STAG1: variants seen among roughly 807,000 people sequenced by gnomAD.
STAG1 encodes the protein cohesin subunit SA-1.
In STAG1, 26 loss-of-function variants were observed where a neutral mutation model predicts 170.9. The observed-to-expected ratio is 0.15, with a 90% CI of 0.11 to 0.21. The LOEUF is 0.21. Ranked by LOEUF, STAG1 falls within the 10% of genes least tolerant of loss-of-function variation. STAG1 has a pLI of 1.00. For missense variants in STAG1, 964 were observed against 1,509.5 expected, an observed-to-expected ratio of 0.64 and a Z score of 5.99; for synonymous variants, 514 against 497.7, an observed-to-expected ratio of 1.03 and a Z score of -0.44.
chr3:136,706,948 G>A (rs927963003), intron 1 of STAG1, among the ~76,000 whole-genome samples: 14 of 152,206 alleles, frequency 9.2e-5, no homozygotes, highest in East Asian at 5.8e-4. Context: ...ACAATTCAAC[G>A]GGGAAGAAAT....
At chr3:136,750,877 T>G (rs765961286) in intron 1 of STAG1, among the ~76,000 whole-genome samples, 2 of 152,260 alleles carry the variant, frequency 1.3e-5, no homozygotes, top group African/African-American at 2.4e-5. Context: ...CAAGGTACGT[T>G]ACATTACCAT....
chr3:136,543,198 A>G (rs999882527), intron 5 of STAG1, among the ~76,000 whole-genome samples: 1 of 152,202 alleles, frequency 6.6e-6, no homozygotes, highest in Non-Finnish European at 1.5e-5. Context: ...GGCTATATTC[A>G]TACTTTTTGC....
rs1207694530 is a variant in STAG1 at position 136,422,834 on chromosome 3, T to C, written c.1767A>G (p.Val589=). ...ACTGTGGGATTTGTAGCAAGTTTGC[T>C]ACCTTCTCTGCATCTGCAGAATACT... is the stretch of plus-strand genomic sequence containing the variant. ...LSKYSADAEK[V]ANLLQIPQYF... Residue 589 remains valine (V), a synonymous_variant, in exon 18 of 34, where the codon GTA becomes GTG. Coordinates refer to ENST00000383202, the MANE Select transcript of STAG1 (RefSeq NM_005862.3). The C allele has an allele frequency of 1.9e-6, 3 of 1,610,352 alleles. No homozygotes were observed. Among genetic ancestry groups the C allele is most frequent in the East Asian group, 2.2e-5 (1 of 44,764 alleles).
chr3:136,559,124 C>CCTACCTATCTAT (rs10638863), intron 5 of STAG1, among the ~76,000 whole-genome samples: 1 of 143,984 alleles, frequency 6.9e-6, no homozygotes, highest in Non-Finnish European at 1.6e-5. Context: ...CACTGAACTA[C>CCTACCTATCTAT]CTATCTATCT....
chr3:136,749,652 A>C (rs1935126525), intron 1 of STAG1, among the ~76,000 whole-genome samples: 1 of 150,918 alleles, frequency 6.6e-6, no homozygotes. Context: ...AGGCTGAGGC[A>C]GGAGAATCGC....
chr3:136,485,566 G>C (rs2089992229), intron 9 of STAG1, among the ~76,000 whole-genome samples: 1 of 152,112 alleles, frequency 6.6e-6, no homozygotes, highest in Non-Finnish European at 1.5e-5. Context: ...AAAAATTTCA[G>C]ACATAAAACA....
intron 22 of STAG1, among the ~76,000 whole-genome samples, chr3:136,394,523 C>A (rs145012220): frequency 1.2e-4 from 19 of 152,262 alleles, no homozygotes; most frequent in African/African-American, 3.9e-4. Context: ...CACCTGTAAT[C>A]CCAGCACTTT....
In STAG1 at chr3:136,496,444, A is replaced by G. The variant is rs146147565; in HGVS notation, c.902+3779T>C. On this transcript the variant is annotated intron_variant, in intron 9 of 33. Coordinates refer to ENST00000383202, the MANE Select transcript of STAG1 (RefSeq NM_005862.3). ...AAATTTAGAAGCATTCAAATCATAC[A>G]AACTATGTTCTTTGACTACATTGAA... Among the ~76,000 whole-genome samples, 28 of 152,328 alleles carry G rather than the reference A, an allele frequency of 1.8e-4. No individual in the cohort carries two copies. The East Asian group carries it at 5.4e-3, about 29-fold the overall frequency.
Position 136,444,906 on chromosome 3 carries a change from C to G in STAG1, c.1429-1502G>C, listed in dbSNP as rs577226924. On this transcript the variant is annotated intron_variant, in intron 14 of 33. Coordinates refer to ENST00000383202, the MANE Select transcript of STAG1 (RefSeq NM_005862.3). ...GACAGGGTCTCACAGTGTTGCGCAGCCTGGAGTGCACTGGCACAATCACGG... is the reference window on the plus strand; with the variant it reads ...GACAGGGTCTCACAGTGTTGCGCAGGCTGGAGTGCACTGGCACAATCACGG... 2.6e-5 allele frequency among the ~76,000 whole-genome samples: 4 copies of G among 152,088 alleles called. No homozygotes were observed. The East Asian group carries it at 7.7e-4, about 29-fold the overall frequency.
chr3:136,733,696 A>G (rs1311893447), intron 1 of STAG1, among the ~76,000 whole-genome samples: 1 of 152,226 alleles, frequency 6.6e-6, no homozygotes, highest in Non-Finnish European at 1.5e-5. Flanking sequence ...AACTGTAACT[A>G]GCAGCACATG....
chr3:136,693,690 C>T (rs920209469), intron 1 of STAG1, among the ~76,000 whole-genome samples: 1 of 152,020 alleles, frequency 6.6e-6, no homozygotes, highest in African/African-American at 2.4e-5. Flanking sequence ...CCATCTCAGC[C>T]TCTCAGCAGC....
At chr3:136,362,037 C>A (rs1415415963) in intron 26 of STAG1, among the ~76,000 whole-genome samples, 1 of 152,002 alleles carries the variant, frequency 6.6e-6, no homozygotes, top group Non-Finnish European at 1.5e-5. Context: ...ATACCTGCAA[C>A]CCCCGCCTCC....
At chr3:136,631,809 C>T (rs528872356) in intron 1 of STAG1, among the ~76,000 whole-genome samples, 10 of 152,210 alleles carry the variant, frequency 6.6e-5, no homozygotes, top group Non-Finnish European at 1.5e-4. Flanking sequence ...AATGGAATAA[C>T]ACAGGTATAG....
intron 1 of STAG1, among the ~76,000 whole-genome samples, chr3:136,660,077 G>A (rs1002313214): frequency 3.3e-5 from 5 of 152,172 alleles, no homozygotes; most frequent in African/African-American, 1.2e-4. Context: ...GTGCGTGTGC[G>A]CATGTGTGTC....
Position 136,472,530 on chromosome 3 carries a change from C to G in STAG1, c.1126-38G>C, listed in dbSNP as rs375364661. 6 of 1,434,668 alleles carry G rather than the reference C, an allele frequency of 4.2e-6. No individual in the cohort carries two copies. In the African/African-American group the frequency reaches 8.4e-5, roughly 20 times the overall value. 88.9% of individuals were successfully genotyped at this position (1,434,668 alleles called of 1,614,324 possible). On this transcript the variant is annotated intron_variant, in intron 11 of 33. Coordinates refer to ENST00000383202, the MANE Select transcript of STAG1 (RefSeq NM_005862.3). ...AGTTGTAAAACAAACCAACTATGAA[C>G]AGAAAATAAGCTGGGACAGATCTAA...
At chr3:136,359,419 ATTT>A (rs1346158945) in intron 26 of STAG1, 123 bp from the exon 27 acceptor site, 3 of 629,064 alleles carry the variant, frequency 4.8e-6, no homozygotes, top group Non-Finnish European at 7.5e-6. Flanking sequence ...CTTGCATTGA[ATTT>A]TAGCTACTCT....
chr3:136,526,677 C>T (rs1425546010), intron 6 of STAG1, among the ~76,000 whole-genome samples: 4 of 152,208 alleles, frequency 2.6e-5, no homozygotes, highest in Non-Finnish European at 4.4e-5. Flanking sequence ...GATGCAGTTT[C>T]TTCCTAGCAT....
At chr3:136,450,933 G>C (rs1170021681) in intron 14 of STAG1, among the ~76,000 whole-genome samples, 3 of 151,996 alleles carry the variant, frequency 2.0e-5, no homozygotes, top group Non-Finnish European at 4.4e-5. Context: ...ATTTTTAGTA[G>C]AGACGGACTT....
chr3:136,624,275 C>T (rs1335802019), intron 2 of STAG1, among the ~76,000 whole-genome samples: 3 of 151,644 alleles, frequency 2.0e-5, no homozygotes, highest in Admixed American at 6.6e-5. Flanking sequence ...ATTTTTTTTG[C>T]ATTTTTAGTA....
Sources: gnomAD v4.1 joint callset for allele counts (sites outside exome capture counted in the v4.1 genomes callset) on GRCh38, gnomAD v4.1.1 for gene constraint, MANE v1.5 for transcripts, NCBI Gene and HGNC (gene_info 2026-07-23, HGNC 2026-07-21) for gene names.